ANKRD9: variants seen among roughly 807,000 people sequenced by gnomAD.
ANKRD9 encodes the protein ankyrin repeat domain 9, also known as ankyrin repeat domain-containing protein 9.
In ANKRD9, 13 loss-of-function variants were observed where a neutral mutation model predicts 19.2. That is an observed-to-expected ratio of 0.68 (90% CI 0.44 to 1.08). The LOEUF is 1.08. ANKRD9 is among the 50% of genes least tolerant of loss of function. The pLI is 0.00. For missense variants in ANKRD9, 518 were observed against 499.9 expected (o/e 1.04, Z -0.34); for synonymous variants, 278 against 256.8 (o/e 1.08, Z -0.79).
rs1567370365 is a variant in ANKRD9 at position 102,504,434 on chromosome 14, C to G, written c.*2502G>C. 3 of 154,496 alleles carry G rather than the reference C, an allele frequency of 1.9e-5. No homozygotes were observed. In the South Asian group the frequency reaches 6.2e-4, roughly 32 times the overall value. The allele number at this position is 154,496 out of a possible 1,614,324, so 9.6% of individuals were successfully genotyped here. Reference sequence around the variant, plus strand: ...GTCTGCCTGGCTGACTCCGGCCCTCCCAGTCCTGCAAGCTCATGGCCAGGA... The same window carrying G: ...GTCTGCCTGGCTGACTCCGGCCCTCGCAGTCCTGCAAGCTCATGGCCAGGA... On this transcript the variant is annotated 3_prime_UTR_variant, in exon 4 of 4. Coordinates refer to ENST00000286918, the MANE Select transcript of ANKRD9 (RefSeq NM_152326.4).
rs1891447461 is a variant in ANKRD9, at chr14:102,501,954, C to T, written c.*4982G>A. On this transcript the variant is annotated 3_prime_UTR_variant, in exon 4 of 4. Coordinates refer to ENST00000286918, the MANE Select transcript of ANKRD9 (RefSeq NM_152326.4). ...TGGGGAAGCCGGTCCGTACGTAGGC[C>T]TTGCATCTCGCCACCTCCACTTCTG... 1 of 152,250 alleles carries T rather than the reference C, an allele frequency of 6.6e-6. No homozygotes were observed. Among genetic ancestry groups the T allele is most frequent in the Non-Finnish European group, 1.5e-5 (1 of 68,046 alleles). The allele number at this position is 152,250 out of a possible 1,614,324, so 9.4% of individuals were successfully genotyped here. A position where few individuals can be genotyped will look rare whatever the true frequency, so the allele number is the denominator to read the frequency against.
chr14:102,507,997 G>A lies in ANKRD9; in HGVS notation c.-53-55C>T. ...GCGCGGGGAAACTGGGGAGGCCCGG[G>A]GACTCCCCTCTGCCCCTCACACAGC... On this transcript the variant is annotated intron_variant, in intron 3 of 3. Transcript: ENST00000286918. The surrounding 1 kb of genome is among the most constrained non-coding windows in gnomAD (Gnocchi z 9.2). 7 of 1,047,632 alleles carry A rather than the reference G, an allele frequency of 6.7e-6. No homozygotes were observed. The highest frequency in any genetic ancestry group is 8.1e-6 in the Non-Finnish European group (7 of 860,204). 64.9% of individuals were successfully genotyped at this position (1,047,632 alleles called of 1,614,324 possible). A position where few individuals can be genotyped will look rare whatever the true frequency, so the allele number is the denominator to read the frequency against.
chr14:102,507,166 C>T lies in ANKRD9; in HGVS notation c.724G>A (p.Gly242Ser). Reference protein sequence around the residue: ...LDLLALYTPVGAAGSARQELL... With the variant: ...LDLLALYTPVSAAGSARQELL... ...TCCTGGCGGGCCGAGCCGGCGGCACCCACGGGGGTGTACAGCGCCAGGAGG... is the reference window on the plus strand; with the variant it reads ...TCCTGGCGGGCCGAGCCGGCGGCACTCACGGGGGTGTACAGCGCCAGGAGG... The change falls in exon 4 of 4, where the codon GGT becomes AGT. Residue 242 changes from glycine (G) to serine (S), a missense_variant. Coordinates refer to ENST00000286918, the MANE Select transcript of ANKRD9 (RefSeq NM_152326.4). The surrounding 1 kb of genome is among the most constrained non-coding windows in gnomAD (Gnocchi z 9.2). The T allele has an allele frequency of 7.1e-7, 1 of 1,411,508 alleles. No individual in the cohort carries two copies. The highest frequency in any genetic ancestry group is 9.2e-7 in the Non-Finnish European group (1 of 1,090,510). 87.4% of individuals were successfully genotyped at this position (1,411,508 alleles called of 1,614,324 possible). A position where few individuals can be genotyped will look rare whatever the true frequency, so the allele number is the denominator to read the frequency against.
Position 102,507,611 on chromosome 14 carries a change from G to A in ANKRD9, c.279C>T (p.Ala93=). 6.7e-7 allele frequency: 1 copy of A among 1,493,514 alleles called. No homozygotes were observed. Among genetic ancestry groups the A allele is most frequent in the Non-Finnish European group, 8.9e-7 (1 of 1,123,572 alleles). 92.5% of individuals were successfully genotyped at this position (1,493,514 alleles called of 1,614,324 possible). The part of the protein sequence containing the change: ...DHQAYAHYLL[A]TFPRRALAPP... ...GTGCGAGCGCGCGCCGCGGGAACGT[G>A]GCCAGCAGGTAATGCGCGTACGCTT... Residue 93 remains alanine, a synonymous_variant, in exon 4 of 4, where the codon GCC becomes GCT. Coordinates refer to ENST00000286918, the MANE Select transcript of ANKRD9 (RefSeq NM_152326.4). This position sits in a 1 kb window ranked among gnomAD's most constrained non-coding sequence, Gnocchi z 9.2.
rs775654920 is a variant in ANKRD9, at chr14:102,506,558, C to T, written c.*378G>A. 24 of 190,332 alleles carry T rather than the reference C, an allele frequency of 1.3e-4. No individual in the cohort carries two copies. The highest frequency in any genetic ancestry group is 1.8e-4 in the Admixed American group (3 of 16,308). The allele number at this position is 190,332 out of a possible 1,614,324, so 11.8% of individuals were successfully genotyped here. ...CGTGAGAACCCTACGCTGCAGAGCT[C>T]GTTCTCTTGGCTTCCAGGCCTTTTT... On this transcript the variant is annotated 3_prime_UTR_variant, in exon 4 of 4. Transcript: ENST00000286918.
rs759449066 is a variant in ANKRD9, at chr14:102,507,071, C to A, written c.819G>T (p.Leu273=). 43 of 1,541,080 alleles carry A rather than the reference C, an allele frequency of 2.8e-5. No homozygotes were observed. The highest frequency in any genetic ancestry group is 3.7e-5 in the Non-Finnish European group (43 of 1,153,402). The change falls in exon 4 of 4, where the codon CTG becomes CTT. Residue 273 remains leucine, a synonymous_variant. Coordinates refer to ENST00000286918, the MANE Select transcript of ANKRD9 (RefSeq NM_152326.4). The surrounding 1 kb of genome is among the most constrained non-coding windows in gnomAD (Gnocchi z 9.2). ...GEDKFQWLAG[L]APPSLFARAM... Reference sequence around the variant, plus strand: ...CGCGCGCGAAGAGCGAGGGCGGCGCCAGGCCCGCCAGCCACTGGAACTTGT... The same window carrying A: ...CGCGCGCGAAGAGCGAGGGCGGCGCAAGGCCCGCCAGCCACTGGAACTTGT...
chr14:102,506,853 A>C lies in ANKRD9; in HGVS notation c.*83T>G. 2.2e-5 allele frequency: 29 copies of C among 1,335,506 alleles called. No individual in the cohort carries two copies. Among genetic ancestry groups the C allele is most frequent in the Non-Finnish European group, 2.7e-5 (28 of 1,041,142 alleles). The allele number at this position is 1,335,506 out of a possible 1,614,324, so 82.7% of individuals were successfully genotyped here. A position where few individuals can be genotyped will look rare whatever the true frequency, so the allele number is the denominator to read the frequency against. Reference sequence around the variant, plus strand: ...AGATGAGGCAGAGATTGTGCCGTACAGAGATCAATATATATAAAGTGCCGG... The same window carrying C: ...AGATGAGGCAGAGATTGTGCCGTACCGAGATCAATATATATAAAGTGCCGG... On this transcript the variant is annotated 3_prime_UTR_variant, in exon 4 of 4. Transcript: ENST00000286918.
Position 102,507,908 on chromosome 14 carries a change from C to A in ANKRD9, c.-19G>T. 1 of 1,106,946 alleles carries A rather than the reference C, an allele frequency of 9.0e-7. No individual in the cohort carries two copies. Among genetic ancestry groups the A allele is most frequent in the South Asian group, 4.3e-5 (1 of 23,328 alleles). The allele number at this position is 1,106,946 out of a possible 1,614,324, so 68.6% of individuals were successfully genotyped here. On this transcript the variant is annotated 5_prime_UTR_variant, in exon 4 of 4. In the 5' UTR this introduces an upstream ATG that the reference lacks. Coordinates refer to ENST00000286918, the MANE Select transcript of ANKRD9 (RefSeq NM_152326.4). This position sits in a 1 kb window ranked among gnomAD's most constrained non-coding sequence, Gnocchi z 9.2. ...ACGGCATGCTGGCGGCGGGGCGTTC[C>A]TGGGCCTCAAGGCATGGATCCCGCG...
rs532859247 is a variant in ANKRD9, at chr14:102,502,171, A to G, written c.*4765T>C. 6.6e-6 allele frequency: 1 copy of G among 152,316 alleles called. No individual in the cohort carries two copies. The highest frequency in any genetic ancestry group is 1.5e-5 in the Non-Finnish European group (1 of 68,044). 9.4% of individuals were successfully genotyped at this position (152,316 alleles called of 1,614,324 possible). On this transcript the variant is annotated 3_prime_UTR_variant, in exon 4 of 4. Transcript: ENST00000286918. ...GCAGGACCTCACCGCGCCAGCGTGA[A>G]GTTCCCGGGCATGGTCATGAAAGCG...
Position 102,507,671 on chromosome 14 carries a change from A to G in ANKRD9, c.219T>C (p.Ser73=), listed in dbSNP as rs373872423. The G allele has an allele frequency of 1.3e-4, 196 of 1,556,546 alleles. 4 individuals are homozygous for G. In the Middle Eastern group the frequency reaches 2.4e-3, roughly 19 times the overall value. ...ERGRAAAYSP[S]EALLYALVHD... ...GCACGAGCGCGTAGAGCAGCGCCTC[A>G]GAGGGCGAGTAGGCGGCGGCGCGCC... The change falls in exon 4 of 4, where the codon TCT becomes TCC. Residue 73 remains serine (S), a synonymous_variant. Coordinates refer to ENST00000286918, the MANE Select transcript of ANKRD9 (RefSeq NM_152326.4). The surrounding 1 kb of genome is among the most constrained non-coding windows in gnomAD (Gnocchi z 9.2).
Position 102,507,668 on chromosome 14 carries a change from C to A in ANKRD9, c.222G>T (p.Glu74Asp). The change falls in exon 4 of 4, where the codon GAG becomes GAT. Residue 74 changes from glutamate (E) to aspartate (D), a missense_variant. Coordinates refer to ENST00000286918, the MANE Select transcript of ANKRD9 (RefSeq NM_152326.4). This position sits in a 1 kb window ranked among gnomAD's most constrained non-coding sequence, Gnocchi z 9.2. The part of the protein sequence containing the change: ...RGRAAAYSPS[E>D]ALLYALVHDH... Reference sequence around the variant, plus strand: ...CGTGCACGAGCGCGTAGAGCAGCGCCTCAGAGGGCGAGTAGGCGGCGGCGC... The same window carrying A: ...CGTGCACGAGCGCGTAGAGCAGCGCATCAGAGGGCGAGTAGGCGGCGGCGC... 6.4e-7 allele frequency: 1 copy of A among 1,555,180 alleles called. No homozygotes were observed.
Position 102,507,567 on chromosome 14 carries a change from C to A in ANKRD9, c.323G>T (p.Arg108Leu). The change falls in exon 4 of 4, where the codon CGC (arginine) becomes CTC (leucine). Residue 108 changes from arginine (R) to leucine (L), a missense_variant. Physicochemically the swap from Arg to Leu is moderately radical, Grantham distance 102. Transcript: ENST00000286918. The surrounding 1 kb of genome is among the most constrained non-coding windows in gnomAD (Gnocchi z 9.2). ...RALAPPSAGF[R>L]CCAAPGPHVA... ...GTGCGGCCCGGGAGCCGCGCAGCAG[C>A]GGAAGCCGGCACTGGGCGGTGCGAG... The A allele has an allele frequency of 1.0e-5, 14 of 1,362,304 alleles. No homozygotes were observed. Among genetic ancestry groups the A allele is most frequent in the South Asian group, 1.6e-5 (1 of 63,704 alleles). The allele number at this position is 1,362,304 out of a possible 1,614,324, so 84.4% of individuals were successfully genotyped here.
In ANKRD9 at chr14:102,507,518, G is replaced by A; in HGVS notation, c.372C>T (p.Asn124=). Reference sequence around the variant, plus strand: ...GGATGCGGCGCAGAATGCCCACGCGGTTGTAGCGCACTGCCAGCGCCACGT... The same window carrying A: ...GGATGCGGCGCAGAATGCCCACGCGATTGTAGCGCACTGCCAGCGCCACGT... ...GPHVALAVRY[N]RVGILRRILR... is the part of the protein sequence containing the mutation. Residue 124 remains asparagine, a synonymous_variant, in exon 4 of 4, where the codon AAC becomes AAT. Coordinates refer to ENST00000286918, the MANE Select transcript of ANKRD9 (RefSeq NM_152326.4). The surrounding 1 kb of genome is among the most constrained non-coding windows in gnomAD (Gnocchi z 9.2). 1.5e-6 allele frequency: 2 copies of A among 1,356,822 alleles called. No individual in the cohort carries two copies. Among genetic ancestry groups the A allele is most frequent in the African/African-American group, 1.5e-5 (1 of 64,556 alleles). The allele number at this position is 1,356,822 out of a possible 1,614,324, so 84.0% of individuals were successfully genotyped here.
rs1891725969 is a variant in ANKRD9 at position 102,509,505 on chromosome 14, GCGGC to G, written c.-335+20_-335+23del. On this transcript the variant is annotated intron_variant, in intron 1 of 3. Coordinates refer to ENST00000286918, the MANE Select transcript of ANKRD9 (RefSeq NM_152326.4). ...GGAGGAGGGGGCGGCGGCCGCGGGC[GCGGC>G]GCGGGGGACGGGGACTCACCATGGG... 7.1e-6 allele frequency: 1 copy of G among 139,980 alleles called. No homozygotes were observed. Among genetic ancestry groups the G allele is most frequent in the Non-Finnish European group, 1.6e-5 (1 of 64,000 alleles). The allele number at this position is 139,980 out of a possible 1,614,324, so 8.7% of individuals were successfully genotyped here. A position where few individuals can be genotyped will look rare whatever the true frequency, so the allele number is the denominator to read the frequency against.
rs943477480 is a variant in ANKRD9, at chr14:102,501,830, T to C, written c.*5106A>G. The C allele has an allele frequency of 1.3e-5, 2 of 152,156 alleles. No individual in the cohort carries two copies. The highest frequency in any genetic ancestry group is 2.4e-5 in the African/African-American group (1 of 41,426). The allele number at this position is 152,156 out of a possible 1,614,324, so 9.4% of individuals were successfully genotyped here. On this transcript the variant is annotated 3_prime_UTR_variant, in exon 4 of 4. Transcript: ENST00000286918. ...CACTTCGAGTCGAGTGTAAGGGCCCTTCACAAAAGCAGAAGGAACACTGGC... is the reference window on the plus strand; with the variant it reads ...CACTTCGAGTCGAGTGTAAGGGCCCCTCACAAAAGCAGAAGGAACACTGGC...
Position 102,507,650 on chromosome 14 carries a change from G to A in ANKRD9, c.240C>T (p.Leu80=). The A allele has an allele frequency of 6.5e-7, 1 of 1,543,532 alleles. No individual in the cohort carries two copies. Among genetic ancestry groups the A allele is most frequent in the South Asian group, 1.2e-5 (1 of 86,388 alleles). Residue 80 remains leucine, a synonymous_variant, in exon 4 of 4, where the codon CTC becomes CTT. Coordinates refer to ENST00000286918, the MANE Select transcript of ANKRD9 (RefSeq NM_152326.4). The surrounding 1 kb of genome is among the most constrained non-coding windows in gnomAD (Gnocchi z 9.2). ...GCGCGTACGCTTGGTGGTCGTGCACGAGCGCGTAGAGCAGCGCCTCAGAGG... is the reference window on the plus strand; with the variant it reads ...GCGCGTACGCTTGGTGGTCGTGCACAAGCGCGTAGAGCAGCGCCTCAGAGG... ...YSPSEALLYA[L]VHDHQAYAHY... is the part of the protein sequence containing the mutation.
Position 102,506,973 on chromosome 14 carries a change from G to A in ANKRD9, c.917C>T (p.Pro306Leu), listed in dbSNP as rs1242975812. 1 of 1,562,498 alleles carries A rather than the reference G, an allele frequency of 6.4e-7. No individual in the cohort carries two copies. Among genetic ancestry groups the A allele is most frequent in the South Asian group, 1.2e-5 (1 of 85,922 alleles). ...PEALDELPLP[P>L]FLQPLDLTGK... ...AGTGAGGTCCAACGGCTGCAGGAATGGGGGCAGCGGCAGCTCGTCCAGGGC... is the reference window on the plus strand; with the variant it reads ...AGTGAGGTCCAACGGCTGCAGGAATAGGGGCAGCGGCAGCTCGTCCAGGGC... Residue 306 changes from proline (P) to leucine (L), a missense_variant, in exon 4 of 4, where the codon CCA becomes CTA. Pro to Leu is a moderately conservative substitution (Grantham distance 98). Coordinates refer to ENST00000286918, the MANE Select transcript of ANKRD9 (RefSeq NM_152326.4).
At position 102,508,581 on chromosome 14, in the gene ANKRD9, G is replaced by C. The variant is rs1478240654; in HGVS notation, c.-128-32C>G. The C allele has an allele frequency of 6.6e-6, 1 of 152,202 alleles. No homozygotes were observed. Among genetic ancestry groups the C allele is most frequent in the African/African-American group, 2.4e-5 (1 of 41,436 alleles). 9.4% of individuals were successfully genotyped at this position (152,202 alleles called of 1,614,324 possible). The stretch of plus-strand genomic sequence containing the variant: ...GAAAGGGGAGGGGTGGACGACGGCT[G>C]TGCGGGCGGGGTGAGCCTGGGGCGT... On this transcript the variant is annotated intron_variant, in intron 2 of 3. Transcript: ENST00000286918. This position sits in a 1 kb window ranked among gnomAD's most constrained non-coding sequence, Gnocchi z 6.2.
rs1891587327 is a variant in ANKRD9 at position 102,506,321 on chromosome 14, A to C, written c.*615T>G. The C allele has an allele frequency of 6.6e-6, 1 of 152,244 alleles. No homozygotes were observed. Among genetic ancestry groups the C allele is most frequent in the South Asian group, 2.1e-4 (1 of 4,838 alleles). The allele number at this position is 152,244 out of a possible 1,614,324, so 9.4% of individuals were successfully genotyped here. A position where few individuals can be genotyped will look rare whatever the true frequency, so the allele number is the denominator to read the frequency against. ...TGCCCATTAGTCATGGGGGAAAAGC[A>C]AAAGGGGGAGACAGGGACAAATCCA... On this transcript the variant is annotated 3_prime_UTR_variant, in exon 4 of 4. Coordinates refer to ENST00000286918, the MANE Select transcript of ANKRD9 (RefSeq NM_152326.4).
Sources: gnomAD v4.1 joint callset for allele counts on GRCh38, gnomAD v4.1.1 for gene constraint, Gnocchi (gnomAD v3.1) non-coding constraint, MANE v1.5 for transcripts, NCBI Gene and HGNC (gene_info 2026-07-23, HGNC 2026-07-21) for gene names.